Variants in TRIP13 observed in about 807,000 individuals in gnomAD.
TRIP13 encodes the protein thyroid hormone receptor interactor 13.
In TRIP13, 25 loss-of-function variants were observed where a neutral mutation model predicts 54.4. The ratio of observed to expected loss-of-function variants is 0.46; its 90% confidence interval spans 0.33 to 0.64. The LOEUF is 0.64. Ranked by LOEUF, TRIP13 falls within the 30% of genes least tolerant of loss-of-function variation. The pLI is 0.02. For missense variants in TRIP13, 373 were observed against 534.2 expected, an observed-to-expected ratio of 0.70 and a Z score of 2.97; for synonymous variants, 207 against 207.8, an observed-to-expected ratio of 1.00 and a Z score of 0.03.
In TRIP13 at chr5:914,477, T is replaced by C; in HGVS notation, c.1033T>C (p.Tyr345His). 6.2e-7 allele frequency: 1 copy of C among 1,613,052 alleles called. No homozygotes were observed. Among genetic ancestry groups the C allele is most frequent in the East Asian group, 2.2e-5 (1 of 44,860 alleles). Residue 345 changes from tyrosine (Y) to histidine (H), a missense_variant, in exon 11 of 13, where the codon TAC becomes CAC. This residue lies in a region of TRIP13 where 101 missense variants were observed against 138.5 expected (regional missense o/e 0.73). Coordinates refer to ENST00000166345, the MANE Select transcript of TRIP13 (RefSeq NM_004237.4). The part of the protein sequence containing the change: ...LEELMKCQII[Y>H]PRQQLLTLRE... ...TCTGTCTCCCCAGTGTCAGATCATA[T>C]ACCCTCGCCAGCAGCTGCTGACCCT... is the stretch of plus-strand genomic sequence containing the variant.
rs1754239403 is a variant in TRIP13, at chr5:911,840, C to T, written c.867-3C>T. On this transcript the variant is annotated splice_polypyrimidine_tract_variant and splice_region_variant and intron_variant, in intron 9 of 12. Transcript: ENST00000166345. The surrounding 1 kb of genome is among the most constrained non-coding windows in gnomAD (Gnocchi z 4.7). ...TGTGGTGCTTGCTTCTCGGCCACAA[C>T]AGGCATTCCAATGTTGTGATTCTGA... 4 of 1,606,814 alleles carry T rather than the reference C, an allele frequency of 2.5e-6. No homozygotes were observed. The highest frequency in any genetic ancestry group is 1.7e-4 in the Middle Eastern group (1 of 6,026).
At chr5:894,690 C>T (rs1753869731) in intron 1 of TRIP13, 97 bp from the exon 2 acceptor site, 5 of 1,388,766 alleles carry the variant, frequency 3.6e-6, no homozygotes, top group Non-Finnish European at 4.8e-6. Context: ...AACTACTGGG[C>T]TTTCTTATGT....
At chr5:918,842 GTAGCCT>G (rs1754381079), downstream of TRIP13, among the ~76,000 whole-genome samples, 1 of 152,070 alleles carries the variant, frequency 6.6e-6, no homozygotes, top group Non-Finnish European at 1.5e-5. The surrounding 1 kb of genome is among the most constrained non-coding windows in gnomAD (Gnocchi z 4.3). Context: ...TGCTTATATT[GTAGCCT>G]CACTGGCAGC....
rs757692567 is a variant in TRIP13 at position 901,443 on chromosome 5, A to C, written c.535+12A>C. 9 of 1,613,090 alleles carry C rather than the reference A, an allele frequency of 5.6e-6. No homozygotes were observed. In the South Asian group the frequency reaches 9.9e-5, roughly 18 times the overall value. ...GGTGCTGCTCCACGGTAAATTATGC[A>C]GGCTTTTATTTGACCAGATAAGTGG... On this transcript the variant is annotated intron_variant, in intron 5 of 12. Transcript: ENST00000166345.
intron 2 of TRIP13, among the ~76,000 whole-genome samples, chr5:896,439 C>T (rs1472480078): frequency 6.6e-6 from 1 of 152,110 alleles, no homozygotes; most frequent in Non-Finnish European, 1.5e-5. Context: ...CTTTTTCATT[C>T]TGTAAGTAAA....
chr5:900,930 G>C (rs1213663755), intron 4 of TRIP13, among the ~76,000 whole-genome samples: 1 of 151,824 alleles, frequency 6.6e-6, no homozygotes, highest in African/African-American at 2.4e-5. Flanking sequence ...TCACTCAGCT[G>C]TCCTCTGCAT....
At chr5:910,916 C>T (rs758509345) in intron 9 of TRIP13, among the ~76,000 whole-genome samples, 17 of 152,232 alleles carry the variant, frequency 1.1e-4, no homozygotes, top group Non-Finnish European at 7.3e-5. Flanking sequence ...CACCCCGGCG[C>T]GCAGGCACAG....
chr5:900,054 G>C (rs576706981), intron 3 of TRIP13, among the ~76,000 whole-genome samples: 4 of 152,360 alleles, frequency 2.6e-5, no homozygotes, highest in African/African-American at 9.6e-5. Flanking sequence ...AAAGACAATT[G>C]TAAGTGGCTA....
chr5:900,531 T>A lies in TRIP13; in HGVS notation c.426T>A (p.Asp142Glu), dbSNP rs370143173. 1.9e-5 allele frequency: 31 copies of A among 1,611,688 alleles called. No individual in the cohort carries two copies. Among genetic ancestry groups the A allele is most frequent in the Non-Finnish European group, 2.3e-5 (27 of 1,179,522 alleles). The part of the protein sequence containing the change: ...FHGLWDSLVY[D>E]VEVKSHLLDY... ...GGCTTTGGGACAGCTTGGTATACGA[T>A]GTGGAAGTCAAATCCCATGTAAGTT... Residue 142 changes from aspartate (D) to glutamate (E), a missense_variant, in exon 4 of 13, where the codon GAT becomes GAA. Asp to Glu is a conservative substitution (Grantham distance 45). Transcript: ENST00000166345.
intron 6 of TRIP13, among the ~76,000 whole-genome samples, chr5:905,947 G>T (rs1754105657): frequency 6.6e-6 from 1 of 152,190 alleles, no homozygotes; most frequent in South Asian, 2.1e-4. Context: ...CAGCATGGCG[G>T]CTCAATGCCT....
In TRIP13 at chr5:907,093, A is replaced by G. The variant is rs1754130572; in HGVS notation, c.609-37A>G. On this transcript the variant is annotated intron_variant, in intron 6 of 12. Coordinates refer to ENST00000166345, the MANE Select transcript of TRIP13 (RefSeq NM_004237.4). This position sits in a 1 kb window ranked among gnomAD's most constrained non-coding sequence, Gnocchi z 4.1. ...GCTGCCGCTGAGGATCCACAGGACCAGTTAGTAATTCTCTCAACTCCTTTT... is the reference window on the plus strand; with the variant it reads ...GCTGCCGCTGAGGATCCACAGGACCGGTTAGTAATTCTCTCAACTCCTTTT... 10 of 1,586,850 alleles carry G rather than the reference A, an allele frequency of 6.3e-6. No homozygotes were observed. The highest frequency in any genetic ancestry group is 8.7e-6 in the Non-Finnish European group (10 of 1,155,552).
chr5:914,892 T>C (rs912550650), intron 11 of TRIP13, among the ~76,000 whole-genome samples: 5 of 152,124 alleles, frequency 3.3e-5, no homozygotes, highest in African/African-American at 1.2e-4. Flanking sequence ...GGAAATGGCT[T>C]TGGGGGTCCA....
intron 2 of TRIP13, 24 bp downstream of exon 2, chr5:894,976 A>C: frequency 6.3e-7 from 1 of 1,581,398 alleles, no homozygotes; most frequent in Non-Finnish European, 8.5e-7. Flanking sequence ...TTGCTGGGCC[A>C]AGGAACAGTT....
rs987053885 is a variant in TRIP13, at chr5:913,880, A to G, written c.1021-585A>G. The stretch of plus-strand genomic sequence containing the variant: ...GAACGGTTCGTATTAGAATTCAGTC[A>G]TAGTAAGTCAGTGTGCGCACCTGAC... On this transcript the variant is annotated intron_variant, in intron 10 of 12. Coordinates refer to ENST00000166345, the MANE Select transcript of TRIP13 (RefSeq NM_004237.4). The surrounding 1 kb of genome is among the most constrained non-coding windows in gnomAD (Gnocchi z 4.5). 1.3e-5 allele frequency among the ~76,000 whole-genome samples: 2 copies of G among 152,192 alleles called. No individual in the cohort carries two copies. Among genetic ancestry groups the G allele is most frequent in the African/African-American group, 2.4e-5 (1 of 41,448 alleles).
rs1312623568 is a variant in TRIP13, at chr5:912,873, G to GTAAC, written c.1020+878_1020+881dup. ...GGCCTTTGTTTAGGGTAGTTGGGCG[G>GTAAC]TAACCAAGCAAACCAGTGAATGGGG... On this transcript the variant is annotated intron_variant, in intron 10 of 12. Coordinates refer to ENST00000166345, the MANE Select transcript of TRIP13 (RefSeq NM_004237.4). The surrounding 1 kb of genome is among the most constrained non-coding windows in gnomAD (Gnocchi z 7.2). Among the ~76,000 whole-genome samples, 1 of 152,204 alleles carries GTAAC rather than the reference G, an allele frequency of 6.6e-6. No homozygotes were observed. The highest frequency in any genetic ancestry group is 1.5e-5 in the Non-Finnish European group (1 of 68,030).
intron 3 of TRIP13, among the ~76,000 whole-genome samples, chr5:897,195 C>G (rs1181892105): frequency 6.7e-6 from 1 of 148,706 alleles, no homozygotes; most frequent in Non-Finnish European, 1.5e-5. Context: ...CTCTAGCAGG[C>G]CAAGCCCAGG....
rs35725571 is a variant in TRIP13, at chr5:914,549, T to C, written c.1105T>C (p.Leu369=). 0.044 allele frequency: 71,166 copies of C among 1,613,306 alleles called. 1,807 individuals carry two copies. Among genetic ancestry groups the C allele is most frequent in the Non-Finnish European group, 0.049 (57,668 of 1,179,712 alleles). ...CTTCATTGAAAACAACGTGTCAAAA[T>C]TGAGCCTTCTTTTGAATGACATTTC... ...IGFIENNVSK[L]SLLLNDISRK... Residue 369 remains leucine (L), a synonymous_variant, in exon 11 of 13, where the codon TTG becomes CTG. Coordinates refer to ENST00000166345, the MANE Select transcript of TRIP13 (RefSeq NM_004237.4).
rs1580060376 is a variant in TRIP13, at chr5:911,744, T to C, written c.867-99T>C. 6.9e-7 allele frequency: 1 copy of C among 1,457,438 alleles called. No homozygotes were observed. The highest frequency in any genetic ancestry group is 2.3e-5 in the East Asian group (1 of 42,690). The allele number at this position is 1,457,438 out of a possible 1,614,324, so 90.3% of individuals were successfully genotyped here. A position where few individuals can be genotyped will look rare whatever the true frequency, so the allele number is the denominator to read the frequency against. ...ACTTTCCTTCCTGTTGGCAGCCTGCTGGCCATCGTCCTGCCAACCTCCTTG... is the reference window on the plus strand; with the variant it reads ...ACTTTCCTTCCTGTTGGCAGCCTGCCGGCCATCGTCCTGCCAACCTCCTTG... On this transcript the variant is annotated intron_variant, in intron 9 of 12. Coordinates refer to ENST00000166345, the MANE Select transcript of TRIP13 (RefSeq NM_004237.4). The surrounding 1 kb of genome is among the most constrained non-coding windows in gnomAD (Gnocchi z 4.7).
At chr5:901,482 C>T (rs1753989362) in intron 5 of TRIP13, 51 bp downstream of exon 5, 4 of 1,572,230 alleles carry the variant, frequency 2.5e-6, no homozygotes, top group Non-Finnish European at 3.5e-6. Flanking sequence ...GAAATTTAGC[C>T]TTTACTTGTA....
Sources: allele counts gnomAD v4.1 joint callset (sites outside exome capture counted in the v4.1 genomes callset), GRCh38; gene constraint gnomAD v4.1.1; regional missense constraint gnomAD v4.1.1; non-coding constraint Gnocchi (gnomAD v3.1); transcripts MANE v1.5; gene names NCBI Gene and HGNC (gene_info 2026-07-23, HGNC 2026-07-21).